The following KAZN variants were observed in gnomAD, a reference collection of about 807,000 sequenced individuals.
KAZN encodes the protein kazrin.
A neutral mutation model predicts 87.4 loss-of-function variants in KAZN; 40 were observed. The ratio of observed to expected loss-of-function variants is 0.46; its 90% CI spans 0.36 to 0.60. The LOEUF (loss-of-function observed/expected upper bound fraction) is 0.60, where lower values mean the gene tolerates loss of function less well. KAZN is among the 20% of genes least tolerant of loss of function. The pLI is 0.00. For missense variants in KAZN, 898 were observed against 1,073.9 expected (o/e 0.84, Z 2.29); for synonymous variants, 466 against 458.3 (o/e 1.02, Z -0.22).
At chr1:14,887,351 G>A (rs1654186013) in intron 1 of KAZN, among the ~76,000 whole-genome samples, 1 of 152,202 alleles carries the variant, frequency 6.6e-6, no homozygotes, top group Admixed American at 6.5e-5. Flanking sequence ...CTTTCGGCAT[G>A]AGTGCCATGT....
chr1:13,976,554 T>C (rs773288271), intron 1 of KAZN, among the ~76,000 whole-genome samples: 15 of 151,950 alleles, frequency 9.9e-5, no homozygotes, highest in South Asian at 6.3e-4. Context: ...ATTTTCTTTA[T>C]AGGAGAGGCA....
chr1:14,005,650 A>G (rs961717538), intron 1 of KAZN, among the ~76,000 whole-genome samples: 1 of 152,228 alleles, frequency 6.6e-6, no homozygotes, highest in African/African-American at 2.4e-5. Context: ...AAAGATACCA[A>G]TTATCATATG....
intron 2 of KAZN, among the ~76,000 whole-genome samples, chr1:15,005,671 T>G (rs925625249): frequency 1.3e-5 from 2 of 151,650 alleles, no homozygotes; most frequent in Non-Finnish European, 2.9e-5. Flanking sequence ...GCTTATAATC[T>G]GAGCTACTTG....
chr1:14,483,423 C>G (rs1028046510), intron 2 of KAZN, among the ~76,000 whole-genome samples: 3 of 152,160 alleles, frequency 2.0e-5, no homozygotes, highest in Admixed American at 2.0e-4. Flanking sequence ...ATGAATCAAT[C>G]CAAGAAGGAA....
At chr1:15,064,832 G>A (rs12216995) in intron 7 of KAZN, among the ~76,000 whole-genome samples, 27,021 of 152,160 alleles carry the variant, frequency 0.18, 2,880 homozygotes, top group East Asian at 0.53. Context: ...CTTCCTCCCT[G>A]TGGCCTCGCA....
At chr1:14,366,112 C>A (rs1161260401) in intron 2 of KAZN, among the ~76,000 whole-genome samples, 1 of 152,186 alleles carries the variant, frequency 6.6e-6, no homozygotes, top group Admixed American at 6.5e-5. Context: ...GTCTGGTAGT[C>A]CATTGCAGCT....
At chr1:14,786,330 T>C (rs1645507813) in intron 1 of KAZN, among the ~76,000 whole-genome samples, 1 of 152,218 alleles carries the variant, frequency 6.6e-6, no homozygotes, top group African/African-American at 2.4e-5. Context: ...GGCAATGCTG[T>C]CATTGGCTTC....
chr1:14,284,997 G>A (rs942045194), intron 2 of KAZN, among the ~76,000 whole-genome samples: 52 of 152,264 alleles, frequency 3.4e-4, no homozygotes, highest in Admixed American at 2.0e-4. Context: ...GAACATGGAC[G>A]TACTTTTCCT....
At chr1:14,268,904 T>C (rs1408792794) in intron 2 of KAZN, among the ~76,000 whole-genome samples, 1 of 152,220 alleles carries the variant, frequency 6.6e-6, no homozygotes, top group Non-Finnish European at 1.5e-5. Context: ...AGTACAGTAA[T>C]CCAGGATAAG....
rs1647211782 is a variant in KAZN at position 14,835,618 on chromosome 1, G to A, written c.227-125066G>A. Among the ~76,000 whole-genome samples, 2 of 152,168 alleles carry A rather than the reference G, an allele frequency of 1.3e-5. 1 individual carries two copies. The highest frequency in any genetic ancestry group is 3.8e-4 in the East Asian group (2 of 5,200). ...GGCCCCAAATTGCACCGTAATAGAA[G>A]AGGCAGAGCTGGGATTTGAACCCAG... On this transcript the variant is annotated intron_variant, in intron 1 of 14. Coordinates refer to ENST00000376030, the MANE Select transcript of KAZN (RefSeq NM_201628.3).
At chr1:14,296,998 A>G (rs1017232776) in intron 2 of KAZN, among the ~76,000 whole-genome samples, 3 of 151,844 alleles carry the variant, frequency 2.0e-5, no homozygotes, top group African/African-American at 7.3e-5. Context: ...GCATATGTGC[A>G]TGTGTGTGTG....
At chr1:14,884,121 C>T (rs963509511) in intron 1 of KAZN, among the ~76,000 whole-genome samples, 4 of 152,058 alleles carry the variant, frequency 2.6e-5, no homozygotes, top group African/African-American at 9.7e-5. Flanking sequence ...AGGCCGGGCG[C>T]GGGGGCTCAC....
chr1:15,078,074 G>A (rs1639837536), intron 8 of KAZN, among the ~76,000 whole-genome samples: 1 of 152,140 alleles, frequency 6.6e-6, no homozygotes, highest in African/African-American at 2.4e-5. Flanking sequence ...GAAATTTGGT[G>A]AGGAAACTGA....
intron 1 of KAZN, among the ~76,000 whole-genome samples, chr1:14,664,575 C>T (rs1462708105): frequency 6.6e-6 from 1 of 152,082 alleles, no homozygotes; most frequent in Middle Eastern, 3.2e-3. Flanking sequence ...AAAAATTGGT[C>T]ACTGTGACAA....
chr1:14,617,998 G>A (rs916158454), intron 1 of KAZN, among the ~76,000 whole-genome samples: 4 of 152,172 alleles, frequency 2.6e-5, no homozygotes, highest in Non-Finnish European at 4.4e-5. Context: ...CCTGGGAGAG[G>A]GAGCCCCGCT....
At chr1:14,641,892 G>A (rs980060737) in intron 1 of KAZN, among the ~76,000 whole-genome samples, 1 of 152,194 alleles carries the variant, frequency 6.6e-6, no homozygotes, top group Admixed American at 6.5e-5. Context: ...GCTACAAACT[G>A]GGGAGAAATA....
intron 2 of KAZN, among the ~76,000 whole-genome samples, chr1:14,509,300 TATAG>T (rs1467686534): frequency 2.0e-5 from 3 of 152,228 alleles, no homozygotes; most frequent in African/African-American, 7.2e-5. Flanking sequence ...ATCCCTGTTA[TATAG>T]ATAATGAAAT....
At position 14,246,801 on chromosome 1, in the gene KAZN, C is replaced by G. The variant is rs940043788; in HGVS notation, c.249+66209C>G. On this transcript the variant is annotated intron_variant, in intron 2 of 16. Transcript: ENST00000636203. ...ACTTTATGTATTTGTCCATGACCTG[C>G]TTTTTTTTCAAACAATATTATGTGT... is the stretch of plus-strand genomic sequence containing the variant. 2.0e-5 allele frequency among the ~76,000 whole-genome samples: 3 copies of G among 151,860 alleles called. No individual in the cohort carries two copies. The South Asian group carries it at 6.2e-4, about 32-fold the overall frequency.
At chr1:14,201,412 C>G (rs1042532355) in intron 2 of KAZN, among the ~76,000 whole-genome samples, 3 of 152,176 alleles carry the variant, frequency 2.0e-5, no homozygotes, top group Non-Finnish European at 4.4e-5. Flanking sequence ...CCCTGTGTCT[C>G]CAATGACATA....
Sources: allele counts gnomAD v4.1 joint callset (sites outside exome capture counted in the v4.1 genomes callset), GRCh38; gene constraint gnomAD v4.1.1; transcripts MANE v1.5; gene names NCBI Gene and HGNC (gene_info 2026-07-23, HGNC 2026-07-21).